The following RBPMS2 variants were observed in gnomAD, a reference collection of about 807,000 sequenced individuals.
The protein encoded by RBPMS2 is RNA binding protein, mRNA processing factor 2.
In RBPMS2, 14 loss-of-function variants were observed where a neutral mutation model predicts 25.7. The ratio of observed to expected loss-of-function variants is 0.55; its 90% CI spans 0.36 to 0.85. RBPMS2 has a LOEUF of 0.85. Among genes scored for constraint, RBPMS2 ranks in the 40% least tolerant of loss-of-function variants. The pLI is 0.01. For synonymous variants in RBPMS2, 127 were observed against 115.6 expected (o/e 1.10, Z -0.63); for missense variants, 252 against 283.4 (o/e 0.89, Z 0.80).
chr15:64,767,438 C>A (rs570891211), intron 1 of RBPMS2, among the ~76,000 whole-genome samples: 45 of 152,322 alleles, frequency 3.0e-4, no homozygotes, highest in African/African-American at 1.0e-3. Flanking sequence ...GAACCCAGCA[C>A]TGTAGTTCAG....
chr15:64,774,401 C>T (rs1424230272), intron 1 of RBPMS2, among the ~76,000 whole-genome samples: 1 of 152,090 alleles, frequency 6.6e-6, no homozygotes, highest in Non-Finnish European at 1.5e-5. Flanking sequence ...GGCTTTTATC[C>T]AGCACCCCAC....
At chr15:64,760,803 G>GAA (rs778747592) in intron 1 of RBPMS2, among the ~76,000 whole-genome samples, 7 of 139,152 alleles carry the variant, frequency 5.0e-5, no homozygotes, top group Non-Finnish European at 7.9e-5. Context: ...ACTCCATCTC[G>GAA]AAAAAAAAAA....
At chr15:64,768,475 TA>T (rs2083865679) in intron 1 of RBPMS2, among the ~76,000 whole-genome samples, 1 of 151,918 alleles carries the variant, frequency 6.6e-6, no homozygotes, top group South Asian at 2.1e-4. Context: ...TCATCTCTAC[TA>T]AAAATACAAA....
chr15:64,748,768 G>A (rs2083644376), intron 5 of RBPMS2, among the ~76,000 whole-genome samples: 1 of 152,140 alleles, frequency 6.6e-6, no homozygotes, highest in African/African-American at 2.4e-5. Flanking sequence ...TTTAAGACAG[G>A]CCTCAGCTCG....
chr15:64,751,727 C>G (rs1595787909), intron 1 of RBPMS2, 89 bp from the exon 2 acceptor site: 2 of 1,051,938 alleles, frequency 1.9e-6, no homozygotes, highest in East Asian at 4.8e-5. Flanking sequence ...AACTGGAATC[C>G]TTCTAGAGCT....
chr15:64,749,581 A>G, intron 3 of RBPMS2, 88 bp from the exon 4 acceptor site: 2 of 1,197,860 alleles, frequency 1.7e-6, no homozygotes, highest in South Asian at 1.3e-5. Flanking sequence ...AGTATCATCT[A>G]TGTGGAAACA....
chr15:64,773,320 T>C lies in RBPMS2; in HGVS notation c.87+1913A>G, dbSNP rs971450567. 2.0e-5 allele frequency among the ~76,000 whole-genome samples: 3 copies of C among 152,192 alleles called. No individual in the cohort carries two copies. The East Asian group carries it at 5.8e-4, about 29-fold the overall frequency. The stretch of plus-strand genomic sequence containing the variant: ...ACTATTCAGAAGACTAGGCCAGGGC[T>C]TGGGGAATAACCCTTTCCCTTACCA... On this transcript the variant is annotated intron_variant, in intron 1 of 7. Coordinates refer to ENST00000300069, the MANE Select transcript of RBPMS2 (RefSeq NM_194272.3).
intron 2 of RBPMS2, 117 bp from the exon 3 acceptor site, chr15:64,750,498 G>A: frequency 2.2e-6 from 2 of 896,046 alleles, no homozygotes; most frequent in Non-Finnish European, 3.7e-6. Context: ...CCTTCTCCCT[G>A]TCAACATCAA....
chr15:64,766,380 G>A (rs953194715), intron 1 of RBPMS2, among the ~76,000 whole-genome samples: 11 of 152,190 alleles, frequency 7.2e-5, no homozygotes, highest in Admixed American at 3.3e-4. Context: ...GTGTTGGCAC[G>A]TATCAGAAGT....
intron 1 of RBPMS2, among the ~76,000 whole-genome samples, chr15:64,764,467 G>A (rs1015899511): frequency 2.0e-5 from 3 of 152,180 alleles, no homozygotes; most frequent in Admixed American, 6.5e-5. Flanking sequence ...CAGGAGAGAT[G>A]TTTCCTAACA....
At chr15:64,751,344 A>T (rs2083677916) in intron 2 of RBPMS2, among the ~76,000 whole-genome samples, 1 of 151,442 alleles carries the variant, frequency 6.6e-6, no homozygotes, top group African/African-American at 2.4e-5. Flanking sequence ...GGAAAAAAAA[A>T]AAAAGATTCT....
At chr15:64,749,185 T>G (rs756657762) in intron 4 of RBPMS2, 35 bp from the exon 5 acceptor site, 31 of 1,612,340 alleles carry the variant, frequency 1.9e-5, no homozygotes, top group Non-Finnish European at 2.6e-5. Context: ...AAAGGCTTAC[T>G]CCGGGGGACC....
rs1167404963 is a variant in RBPMS2 at position 64,769,100 on chromosome 15, C to CAAAA, written c.87+6129_87+6132dup. Among the ~76,000 whole-genome samples, 16 of 27,670 alleles carry CAAAA rather than the reference C, an allele frequency of 5.8e-4. 1 individual carries two copies. Among genetic ancestry groups the CAAAA allele is most frequent in the Non-Finnish European group, 1.1e-3 (14 of 13,216 alleles). 18.2% of individuals were successfully genotyped at this position (27,670 alleles called of 152,430 possible). On this transcript the variant is annotated intron_variant, in intron 1 of 7. Coordinates refer to ENST00000300069, the MANE Select transcript of RBPMS2 (RefSeq NM_194272.3). ...TGGGCGACAGAGCAAGACTTCGTCT[C>CAAAA]AAAAAAAAAAAAAAAAAAAAAAAAG... is the stretch of plus-strand genomic sequence containing the variant.
At chr15:64,754,560 G>C (rs769844555) in intron 1 of RBPMS2, among the ~76,000 whole-genome samples, 17 of 150,334 alleles carry the variant, frequency 1.1e-4, no homozygotes, top group Non-Finnish European at 2.1e-4. Flanking sequence ...GCAGTGAGCT[G>C]AGATCACACC....
At chr15:64,743,025 C>CGAGGAAACGAGCAATGCTGCTATCA (rs1363090678) in intron 6 of RBPMS2, among the ~76,000 whole-genome samples, 2 of 152,224 alleles carry the variant, frequency 1.3e-5, no homozygotes, top group Non-Finnish European at 2.9e-5. Context: ...GAGGGACACA[C>CGAGGAAACGAGCAATGCTGCTATCA]GAGGAAACGA....
chr15:64,774,731 G>GGGCC (rs1555431921), intron 1 of RBPMS2, among the ~76,000 whole-genome samples: 2 of 6,818 alleles, frequency 2.9e-4, no homozygotes, highest in Non-Finnish European at 9.5e-4. Flanking sequence ...AGGAACCGAG[G>GGGCC]AGCCGGCCGG....
At chr15:64,747,449 CCTT>C (rs933848137) in intron 6 of RBPMS2, among the ~76,000 whole-genome samples, 3 of 152,184 alleles carry the variant, frequency 2.0e-5, no homozygotes, top group African/African-American at 7.2e-5. Flanking sequence ...TCAATTCTCT[CCTT>C]CGCAGCAGCA....
chr15:64,775,204 C>T lies in RBPMS2; in HGVS notation c.87+29G>A, dbSNP rs894888043. 6.3e-5 allele frequency: 75 copies of T among 1,197,966 alleles called. No homozygotes were observed. In the African/African-American group the frequency reaches 1.1e-3, roughly 18 times the overall value. 74.2% of individuals were successfully genotyped at this position (1,197,966 alleles called of 1,614,324 possible). A position where few individuals can be genotyped will look rare whatever the true frequency, so the allele number is the denominator to read the frequency against. ...CCGCGCCCGCCTGGCGTGCGCTTCA[C>T]CCGGCAAGTCCCGGGGCCACAGACC... On this transcript the variant is annotated intron_variant, in intron 1 of 7. Coordinates refer to ENST00000300069, the MANE Select transcript of RBPMS2 (RefSeq NM_194272.3).
intron 1 of RBPMS2, among the ~76,000 whole-genome samples, chr15:64,774,541 C>G (rs966912451): frequency 2.6e-5 from 4 of 152,076 alleles, no homozygotes; most frequent in African/African-American, 9.7e-5. Flanking sequence ...TGGCAGGATC[C>G]CACCCAGGCC....
Sources: gnomAD v4.1 joint callset for allele counts (sites outside exome capture counted in the v4.1 genomes callset) on GRCh38, gnomAD v4.1.1 for gene constraint, MANE v1.5 for transcripts, NCBI Gene and HGNC (gene_info 2026-07-23, HGNC 2026-07-21) for gene names.